The following EXOC6B variants were observed in gnomAD, a reference collection of about 807,000 sequenced individuals.
EXOC6B encodes SEC15 homolog B.
EXOC6B carries 54 observed loss-of-function variants against 113.5 expected under a neutral mutation model. The observed-to-expected ratio is 0.48, with a 90% CI of 0.38 to 0.60. The LOEUF is 0.60. EXOC6B is among the 20% of genes least tolerant of loss of function. The probability of loss-of-function intolerance (pLI) is 0.00; values close to 1 mark genes in which losing one functional copy is unlikely to be tolerated. For synonymous variants in EXOC6B, 357 were observed against 339.0 expected (o/e 1.05, Z -0.58); for missense variants, 797 against 977.5 (o/e 0.82, Z 2.46).
At chr2:72,276,489 T>C (rs906687169) in intron 20 of EXOC6B, among the ~76,000 whole-genome samples, 1 of 152,152 alleles carries the variant, frequency 6.6e-6, no homozygotes, top group Admixed American at 6.5e-5. Context: ...TTTTTTTACA[T>C]GTATCGTGTG....
chr2:72,772,948 G>A (rs890128521), intron 1 of EXOC6B, among the ~76,000 whole-genome samples: 1 of 151,796 alleles, frequency 6.6e-6, no homozygotes, highest in African/African-American at 2.4e-5. Context: ...AAGAAATGAA[G>A]ATCTACGAAC....
intron 20 of EXOC6B, among the ~76,000 whole-genome samples, chr2:72,333,860 G>T (rs1478449869): frequency 6.6e-6 from 1 of 152,026 alleles, no homozygotes; most frequent in African/African-American, 2.4e-5. Flanking sequence ...AAGGATTCAG[G>T]GGTAGCTCAG....
At chr2:72,766,268 T>C (rs982673129) in intron 1 of EXOC6B, among the ~76,000 whole-genome samples, 1 of 152,148 alleles carries the variant, frequency 6.6e-6, no homozygotes, top group Non-Finnish European at 1.5e-5. Flanking sequence ...AATATTGCCA[T>C]ACCATCTGCC....
intron 6 of EXOC6B, among the ~76,000 whole-genome samples, chr2:72,618,063 G>C (rs1214406961): frequency 1.3e-5 from 2 of 152,040 alleles, no homozygotes; most frequent in African/African-American, 4.8e-5. Flanking sequence ...TCCTAGAAAA[G>C]AGGAAAGATT....
At chr2:72,189,690 C>T (rs1572967971) in intron 20 of EXOC6B, among the ~76,000 whole-genome samples, 1 of 151,976 alleles carries the variant, frequency 6.6e-6, no homozygotes, top group Non-Finnish European at 1.5e-5. Flanking sequence ...ATCTATCTAT[C>T]CATTTGTTAT....
chr2:72,330,831 T>C (rs963168175), intron 20 of EXOC6B, among the ~76,000 whole-genome samples: 2 of 152,030 alleles, frequency 1.3e-5, no homozygotes, highest in Non-Finnish European at 2.9e-5. Context: ...TTCAAGGAGT[T>C]TGCGCATTTC....
chr2:72,787,298 G>A (rs565504262), intron 1 of EXOC6B, among the ~76,000 whole-genome samples: 4 of 151,798 alleles, frequency 2.6e-5, no homozygotes, highest in South Asian at 2.1e-4. Context: ...TGCAACCTCC[G>A]CCTCCTGGGT....
intron 6 of EXOC6B, among the ~76,000 whole-genome samples, chr2:72,601,374 G>A (rs752328344): frequency 5.9e-5 from 9 of 151,944 alleles, no homozygotes; most frequent in East Asian, 3.9e-4. Context: ...TAGTAGAGAC[G>A]GGGTTTCACC....
intron 19 of EXOC6B, among the ~76,000 whole-genome samples, chr2:72,351,051 G>A (rs1008232634): frequency 1.3e-5 from 2 of 152,046 alleles, no homozygotes; most frequent in African/African-American, 4.8e-5. Flanking sequence ...ATCCATTGAC[G>A]GGCAGACAGC....
intron 20 of EXOC6B, among the ~76,000 whole-genome samples, chr2:72,245,676 C>A (rs567687469): frequency 6.6e-6 from 1 of 152,032 alleles, no homozygotes; most frequent in Non-Finnish European, 1.5e-5. Flanking sequence ...AGAGGCAGAG[C>A]GCAGGGCAGT....
intron 8 of EXOC6B, among the ~76,000 whole-genome samples, chr2:72,544,195 T>A (rs1702775438): frequency 6.6e-6 from 1 of 152,160 alleles, no homozygotes; most frequent in Non-Finnish European, 1.5e-5. Context: ...TCCTGAAACA[T>A]TAAACAGTCA....
At chr2:72,446,277 G>C (rs1227508925) in intron 18 of EXOC6B, among the ~76,000 whole-genome samples, 1 of 151,966 alleles carries the variant, frequency 6.6e-6, no homozygotes, top group African/African-American at 2.4e-5. Flanking sequence ...TGTATGGGAG[G>C]CTGAGGCAGG....
chr2:72,540,691 A>G (rs965955360), intron 8 of EXOC6B, among the ~76,000 whole-genome samples: 1 of 152,196 alleles, frequency 6.6e-6, no homozygotes. Context: ...AACAGGGATA[A>G]GCAAACCATG....
chr2:72,346,869 C>T (rs1218760768), intron 19 of EXOC6B, among the ~76,000 whole-genome samples: 1 of 152,036 alleles, frequency 6.6e-6, no homozygotes, highest in Non-Finnish European at 1.5e-5. Flanking sequence ...CAAAGATGTT[C>T]TACGATTTCA....
chr2:72,561,626 A>G (rs1181439498), intron 7 of EXOC6B, among the ~76,000 whole-genome samples: 1 of 152,126 alleles, frequency 6.6e-6, no homozygotes, highest in Non-Finnish European at 1.5e-5. Flanking sequence ...TTTCCCTAGA[A>G]ATCTGTGATA....
chr2:72,674,346 A>C (rs1299298711), intron 6 of EXOC6B, among the ~76,000 whole-genome samples: 4 of 152,196 alleles, frequency 2.6e-5, no homozygotes, highest in Non-Finnish European at 5.9e-5. Flanking sequence ...TCTACAGATG[A>C]TCACACTCCC....
chr2:72,508,184 A>AAAAAAC lies in EXOC6B; in HGVS notation c.1167+4947_1167+4948insGTTTTT, dbSNP rs923877882. 1.2e-3 allele frequency among the ~76,000 whole-genome samples: 105 copies of AAAAAAC among 89,048 alleles called. 3 individuals are homozygous for AAAAAAC. Among genetic ancestry groups the AAAAAAC allele is most frequent in the African/African-American group, 6.4e-3 (96 of 14,962 alleles). The allele number at this position is 89,048 out of a possible 152,430, so 58.4% of individuals were successfully genotyped here. On this transcript the variant is annotated intron_variant, in intron 11 of 21. Transcript: ENST00000272427. ...CCCGCAAAAAAAAAAAAAAAAAAAAAACACCTAAAAACAGTACTTTGATGG... is the reference window on the plus strand; with the variant it reads ...CCCGCAAAAAAAAAAAAAAAAAAAAAAAAAACACACCTAAAAACAGTACTTTGATGG...
At chr2:72,627,145 CA>C (rs888333754) in intron 6 of EXOC6B, among the ~76,000 whole-genome samples, 8 of 152,220 alleles carry the variant, frequency 5.3e-5, no homozygotes, top group Middle Eastern at 3.4e-3. Flanking sequence ...AGAATTCCTA[CA>C]CAGACTTTTA....
chr2:72,262,425 C>T, intron 20 of EXOC6B, among the ~76,000 whole-genome samples: 1 of 151,990 alleles, frequency 6.6e-6, no homozygotes, highest in East Asian at 1.9e-4. Context: ...GCAATAGTAT[C>T]CCTGATATTA....
Sources: allele counts gnomAD v4.1 joint callset (sites outside exome capture counted in the v4.1 genomes callset), GRCh38; gene constraint gnomAD v4.1.1; transcripts MANE v1.5; gene names NCBI Gene and HGNC (gene_info 2026-07-23, HGNC 2026-07-21).